The following ARFGEF3 variants were observed in gnomAD, a reference collection of about 807,000 sequenced individuals.
The protein encoded by ARFGEF3 is ARFGEF family member 3.
Under a neutral mutation model 221.7 loss-of-function variants are expected in ARFGEF3, and 96 were observed. That is an observed-to-expected ratio of 0.43 (90% CI 0.37 to 0.51). ARFGEF3 has a LOEUF of 0.51. Ranked by LOEUF, ARFGEF3 falls within the 20% of genes least tolerant of loss-of-function variation. The pLI, the probability that ARFGEF3 is intolerant of heterozygous loss-of-function variation, is 0.00. For synonymous variants in ARFGEF3, 1,145 were observed against 1,126.8 expected, an observed-to-expected ratio of 1.02 and a Z score of -0.32; for missense variants, 2,410 against 2,789.9, an observed-to-expected ratio of 0.86 and a Z score of 3.07.
At chr6:138,263,662 T>C (rs1778833836) in intron 12 of ARFGEF3, 51 bp downstream of exon 12, 8 of 1,485,812 alleles carry the variant, frequency 5.4e-6, no homozygotes, top group Non-Finnish European at 6.3e-6. Context: ...TCAGAGCAGT[T>C]TGCCTTAATG....
chr6:138,180,473 TTTC>T (rs1050766991), intron 2 of ARFGEF3, among the ~76,000 whole-genome samples: 2 of 152,192 alleles, frequency 1.3e-5, no homozygotes, highest in African/African-American at 4.8e-5. Context: ...CGAGTCTCCT[TTTC>T]TTGCCTTCTT....
chr6:138,232,460 G>T (rs1394048539), intron 5 of ARFGEF3, among the ~76,000 whole-genome samples: 1 of 152,062 alleles, frequency 6.6e-6, no homozygotes, highest in South Asian at 2.1e-4. Flanking sequence ...CTGTTCCATT[G>T]GAAAGGTTTT....
chr6:138,219,267 A>T (rs568559560), intron 4 of ARFGEF3, among the ~76,000 whole-genome samples: 1 of 152,248 alleles, frequency 6.6e-6, no homozygotes, highest in Non-Finnish European at 1.5e-5. Flanking sequence ...GGTAGAGAAA[A>T]AAAGTCCTGG....
intron 2 of ARFGEF3, among the ~76,000 whole-genome samples, chr6:138,192,461 T>C (rs1002995830): frequency 6.6e-6 from 1 of 151,972 alleles, no homozygotes; most frequent in Non-Finnish European, 1.5e-5. Flanking sequence ...CACTCCAGCC[T>C]GGGCAACAGA....
At chr6:138,243,731 G>C (rs2114556659) in intron 7 of ARFGEF3, among the ~76,000 whole-genome samples, 1 of 152,192 alleles carries the variant, frequency 6.6e-6, no homozygotes, top group South Asian at 2.1e-4. Context: ...AAAAAAAAGG[G>C]AGAGAATGAA....
chr6:138,297,676 G>A (rs1779545889), intron 21 of ARFGEF3, among the ~76,000 whole-genome samples: 1 of 152,032 alleles, frequency 6.6e-6, no homozygotes, highest in Non-Finnish European at 1.5e-5. Flanking sequence ...TGTAGTCATG[G>A]GGAAAAAGTC....
chr6:138,208,723 T>A (rs1225806676), intron 3 of ARFGEF3, among the ~76,000 whole-genome samples: 1 of 152,206 alleles, frequency 6.6e-6, no homozygotes, highest in Non-Finnish European at 1.5e-5. Flanking sequence ...TAGAATGTGC[T>A]GTGACAACCA....
intron 26 of ARFGEF3, among the ~76,000 whole-genome samples, chr6:138,316,035 T>A (rs557800379): frequency 6.6e-6 from 1 of 152,340 alleles, no homozygotes; most frequent in East Asian, 1.9e-4. Context: ...CAGATAATTA[T>A]AAGCAGAAGC....
intron 4 of ARFGEF3, among the ~76,000 whole-genome samples, chr6:138,211,866 A>G (rs992338252): frequency 1.8e-4 from 27 of 152,200 alleles, no homozygotes; most frequent in Non-Finnish European, 2.5e-4. Flanking sequence ...AGGAGTTGAC[A>G]CAGGTTAACT....
intron 2 of ARFGEF3, among the ~76,000 whole-genome samples, chr6:138,191,139 T>G (rs557875867): frequency 6.6e-6 from 1 of 152,124 alleles, no homozygotes; most frequent in Non-Finnish European, 1.5e-5. Flanking sequence ...ACATCACTTC[T>G]CATCCTTTCC....
At chr6:138,296,599 G>A (rs965873074) in intron 20 of ARFGEF3, among the ~76,000 whole-genome samples, 30 of 152,026 alleles carry the variant, frequency 2.0e-4, no homozygotes, top group African/African-American at 7.3e-4. Flanking sequence ...CCAGGTACCG[G>A]GGCTACAGTG....
intron 14 of ARFGEF3, among the ~76,000 whole-genome samples, chr6:138,282,945 GGA>G (rs1416883359): frequency 1.3e-5 from 2 of 152,112 alleles, no homozygotes; most frequent in African/African-American, 4.8e-5. Context: ...CAGCTACTTG[GGA>G]GGCTAAGGTG....
At chr6:138,304,072 A>G (rs1265982841) in intron 22 of ARFGEF3, among the ~76,000 whole-genome samples, 1 of 152,138 alleles carries the variant, frequency 6.6e-6, no homozygotes, top group Non-Finnish European at 1.5e-5. Context: ...ATTATTCATA[A>G]TAGCCAGAAA....
chr6:138,245,889 A>C (rs1249967831), intron 8 of ARFGEF3, among the ~76,000 whole-genome samples: 1 of 152,130 alleles, frequency 6.6e-6, no homozygotes, highest in Non-Finnish European at 1.5e-5. Context: ...TCCTGGGCTG[A>C]GTGCTGGTTG....
Position 138,311,306 on chromosome 6 carries a change from G to C in ARFGEF3, c.4097-101G>C. 4.4e-6 allele frequency: 3 copies of C among 674,316 alleles called. No individual in the cohort carries two copies. In the South Asian group the frequency reaches 5.7e-5, roughly 13 times the overall value. 41.8% of individuals were successfully genotyped at this position (674,316 alleles called of 1,614,324 possible). A position where few individuals can be genotyped will look rare whatever the true frequency, so the allele number is the denominator to read the frequency against. On this transcript the variant is annotated intron_variant, in intron 24 of 33. Coordinates refer to ENST00000251691, the MANE Select transcript of ARFGEF3 (RefSeq NM_020340.5). The stretch of plus-strand genomic sequence containing the variant: ...CCTTTTCTCCCACTCTCTTTTAATA[G>C]ATATTTGGTGTACTAGTGCTATGTG...
At chr6:138,316,725 A>C (rs960003663) in intron 26 of ARFGEF3, among the ~76,000 whole-genome samples, 3 of 152,190 alleles carry the variant, frequency 2.0e-5, no homozygotes, top group African/African-American at 7.2e-5. Context: ...TGGAGCGAGG[A>C]AGAAAGGAGA....
chr6:138,222,642 A>C, intron 4 of ARFGEF3, among the ~76,000 whole-genome samples: 1 of 152,220 alleles, frequency 6.6e-6, no homozygotes, highest in Admixed American at 6.5e-5. Context: ...TATTTTGTCT[A>C]ACATGCGAAT....
chr6:138,319,822 G>A lies in ARFGEF3; in HGVS notation c.4594G>A (p.Ala1532Thr). 4.3e-6 allele frequency: 7 copies of A among 1,613,998 alleles called. No homozygotes were observed. Among genetic ancestry groups the A allele is most frequent in the East Asian group, 2.2e-5 (1 of 44,882 alleles). ...TATGGCCTCTGCCAATTTCAAGCAC[G>A]CTATTGGTCTGTCCTGTGAGCTGGT... ...WDMASANFKH[A>T]IGLSCELVVE... The change falls in exon 28 of 34, where the codon GCT becomes ACT. Residue 1532 changes from alanine to threonine, a missense_variant. Physicochemically the swap from Ala to Thr is moderately conservative, Grantham distance 58. This residue lies in a region of ARFGEF3 where 723 missense variants were observed against 991.9 expected (regional missense o/e 0.73). Transcript: ENST00000251691.
chr6:138,253,370 G>T (rs776403834), intron 8 of ARFGEF3, among the ~76,000 whole-genome samples: 1 of 151,986 alleles, frequency 6.6e-6, no homozygotes, highest in Non-Finnish European at 1.5e-5. Context: ...GTAACAAAGT[G>T]CCATAAACTG....
Sources: allele counts gnomAD v4.1 joint callset (sites outside exome capture counted in the v4.1 genomes callset), GRCh38; gene constraint gnomAD v4.1.1; regional missense constraint gnomAD v4.1.1; transcripts MANE v1.5; gene names NCBI Gene and HGNC (gene_info 2026-07-23, HGNC 2026-07-21).